The following SFT2D1 variants were observed in gnomAD, a reference collection of about 807,000 sequenced individuals.
SFT2D1 encodes vesicle transport protein SFT2A.
SFT2D1 carries 24 observed loss-of-function variants against 28.1 expected under a neutral mutation model. The ratio of observed to expected loss-of-function variants is 0.85; its 90% CI spans 0.62 to 1.20. The LOEUF (loss-of-function observed/expected upper bound fraction) is 1.20. Among genes scored for constraint, SFT2D1 ranks in the 50% most tolerant of loss-of-function variants. The pLI is 0.00. For synonymous variants in SFT2D1, 82 were observed against 73.7 expected (o/e 1.11, Z -0.58); for missense variants, 181 against 190.9 (o/e 0.95, Z 0.31).
At chr6:166,320,923 G>A (rs1045645056) in intron 7 of SFT2D1, among the ~76,000 whole-genome samples, 2 of 152,222 alleles carry the variant, frequency 1.3e-5, no homozygotes, top group African/African-American at 2.4e-5. Flanking sequence ...GGCCAACATG[G>A]TGAAACCCCA....
intron 5 of SFT2D1, chr6:166,325,776 A>T (rs1778434172): frequency 3.3e-6 from 1 of 298,846 alleles, no homozygotes. Flanking sequence ...TGTAGACAGC[A>T]GAATCTATGG....
At position 166,320,302 on chromosome 6, in the gene SFT2D1, A is replaced by G. The variant is rs535336772; in HGVS notation, c.441-46T>C. The G allele has an allele frequency of 3.0e-5, 46 of 1,547,580 alleles. No homozygotes were observed. The African/African-American group carries it at 5.7e-4, about 19-fold the overall frequency. On this transcript the variant is annotated intron_variant, in intron 7 of 7. Coordinates refer to ENST00000361731, the MANE Select transcript of SFT2D1 (RefSeq NM_145169.3). ...AAAAACAGAATATAATATTCCTCAA[A>G]AGCAAAGTTGCGCAAAATGTTCCTG...
chr6:166,340,443 T>C (rs1026422724), intron 1 of SFT2D1, among the ~76,000 whole-genome samples: 2 of 152,230 alleles, frequency 1.3e-5, no homozygotes, highest in Non-Finnish European at 2.9e-5. Flanking sequence ...CCCTTCCTGC[T>C]TCACCTTTTC....
intron 4 of SFT2D1, among the ~76,000 whole-genome samples, chr6:166,327,500 G>T (rs192647826): frequency 6.6e-6 from 1 of 152,104 alleles, no homozygotes; most frequent in Non-Finnish European, 1.5e-5. Flanking sequence ...ATACTGTTAC[G>T]GGAGCCATAT....
intron 1 of SFT2D1, among the ~76,000 whole-genome samples, chr6:166,337,865 T>C (rs34759716): frequency 3.9e-5 from 6 of 152,204 alleles, no homozygotes; most frequent in Non-Finnish European, 8.8e-5. Flanking sequence ...GTGATGGTAC[T>C]GGAAGATGGC....
At chr6:166,320,326 T>A in intron 7 of SFT2D1, 70 bp from the exon 8 acceptor site, 1 of 1,296,678 alleles carries the variant, frequency 7.7e-7, no homozygotes. Context: ...AAAATGTTCC[T>A]GCTAAATCAC....
chr6:166,341,800 G>A (rs1778787045), intron 1 of SFT2D1, among the ~76,000 whole-genome samples: 1 of 149,626 alleles, frequency 6.7e-6, no homozygotes, highest in African/African-American at 2.5e-5. Context: ...AGTCTCGCTG[G>A]TAAGGCGCAG....
chr6:166,322,029 G>A lies in SFT2D1; in HGVS notation c.440+828C>T, dbSNP rs1033367916. Among the ~76,000 whole-genome samples the A allele has an allele frequency of 7.9e-5, 12 of 152,104 alleles. No individual in the cohort carries two copies. In the South Asian group the frequency reaches 1.2e-3, roughly 16 times the overall value. ...CTCCCAAGTAGCTGGGATTACAGGC[G>A]CCCACACCACACCCAGCTAATTTTG... is the stretch of plus-strand genomic sequence containing the variant. On this transcript the variant is annotated intron_variant, in intron 7 of 7. Transcript: ENST00000361731.
chr6:166,338,689 G>A (rs7761130), intron 1 of SFT2D1, among the ~76,000 whole-genome samples: 6,726 of 152,126 alleles, frequency 0.044, 486 homozygotes, highest in African/African-American at 0.15. Context: ...GTGGGGAGGC[G>A]GGCCGACAAG....
At chr6:166,322,295 G>A (rs760415195) in intron 7 of SFT2D1, among the ~76,000 whole-genome samples, 1 of 152,106 alleles carries the variant, frequency 6.6e-6, no homozygotes, top group Non-Finnish European at 1.5e-5. Context: ...CCTAGTGCAC[G>A]CCAGGCAGCA....
intron 1 of SFT2D1, among the ~76,000 whole-genome samples, chr6:166,340,222 T>C (rs1778751233): frequency 6.6e-6 from 1 of 152,232 alleles, no homozygotes; most frequent in Non-Finnish European, 1.5e-5. Context: ...AGTCATCTCT[T>C]GCCAGGACAA....
intron 1 of SFT2D1, chr6:166,335,462 T>C: frequency 1.9e-6 from 1 of 537,858 alleles, no homozygotes; most frequent in Non-Finnish European, 3.6e-6. Flanking sequence ...TGGAGAACAA[T>C]ACTTTGCCAA....
chr6:166,328,181 A>T (rs1314932094), intron 4 of SFT2D1, 95 bp downstream of exon 4: 1 of 538,780 alleles, frequency 1.9e-6, no homozygotes, highest in African/African-American at 2.0e-5. Flanking sequence ...ATAAAAATAA[A>T]AAAAGAAGTA....
At chr6:166,342,270 G>A (rs1778798510) in intron 1 of SFT2D1, 149 bp downstream of exon 1, 2 of 605,032 alleles carry the variant, frequency 3.3e-6, no homozygotes, top group Non-Finnish European at 2.7e-6. Flanking sequence ...TTCTACCCAG[G>A]AAGCAGGCGG....
intron 5 of SFT2D1, among the ~76,000 whole-genome samples, chr6:166,325,118 T>C (rs1257429051): frequency 1.3e-5 from 2 of 148,650 alleles, no homozygotes; most frequent in East Asian, 1.9e-4. Context: ...TTTTTACTTA[T>C]TTATCTTCAA....
intron 7 of SFT2D1, among the ~76,000 whole-genome samples, chr6:166,322,417 C>T (rs757660743): frequency 1.1e-4 from 16 of 151,934 alleles, no homozygotes; most frequent in Non-Finnish European, 1.8e-4. Flanking sequence ...TACTGCCGGG[C>T]GCGGTGGCTC....
chr6:166,332,054 C>A (rs1470282361), intron 1 of SFT2D1, among the ~76,000 whole-genome samples: 2 of 152,138 alleles, frequency 1.3e-5, no homozygotes, highest in South Asian at 4.1e-4. Context: ...ATCTTTAAAA[C>A]GAAACAGCAG....
chr6:166,332,326 C>A (rs748168794), intron 1 of SFT2D1, among the ~76,000 whole-genome samples: 2 of 152,164 alleles, frequency 1.3e-5, no homozygotes, highest in Admixed American at 6.5e-5. Flanking sequence ...GCCATCTCAG[C>A]TCAATGCAAC....
At chr6:166,334,176 T>C (rs1409736287) in intron 1 of SFT2D1, among the ~76,000 whole-genome samples, 3 of 151,196 alleles carry the variant, frequency 2.0e-5, no homozygotes, top group African/African-American at 4.8e-5. Flanking sequence ...ATACATCCAT[T>C]CATCCATCCA....
Sources: allele counts gnomAD v4.1 joint callset (sites outside exome capture counted in the v4.1 genomes callset), GRCh38; gene constraint gnomAD v4.1.1; transcripts MANE v1.5; gene names NCBI Gene and HGNC (gene_info 2026-07-23, HGNC 2026-07-21).